Variants in COL22A1 observed in about 807,000 individuals in gnomAD.
COL22A1 encodes collagen type XXII alpha 1 chain.
COL22A1 carries 221 observed loss-of-function variants against 248.9 expected under a neutral mutation model. The ratio of observed to expected loss-of-function variants is 0.89; its 90% CI spans 0.80 to 0.99. The LOEUF (loss-of-function observed/expected upper bound fraction) is 0.99, where lower values mean the gene tolerates loss of function less well. Ranked by LOEUF, COL22A1 falls within the 50% of genes least tolerant of loss-of-function variation. The pLI is 0.00. For synonymous variants in COL22A1, 891 were observed against 793.4 expected, an observed-to-expected ratio of 1.12 and a Z score of -2.07; for missense variants, 2,240 against 2,179.0, an observed-to-expected ratio of 1.03 and a Z score of -0.56.
intron 1 of COL22A1, among the ~76,000 whole-genome samples, chr8:138,912,067 TG>T (rs1233596312): frequency 6.6e-6 from 1 of 152,162 alleles, no homozygotes; most frequent in African/African-American, 2.4e-5. Flanking sequence ...ATATATTGCA[TG>T]CTCACCACGT....
rs544564691 is a variant in COL22A1 at position 138,891,163 on chromosome 8, C to T, written c.-72-7919G>A. Among the ~76,000 whole-genome samples the T allele has an allele frequency of 3.9e-5, 6 of 152,264 alleles. No homozygotes were observed. In the South Asian group the frequency reaches 8.3e-4, roughly 21 times the overall value. On this transcript the variant is annotated intron_variant, in intron 1 of 64. Transcript: ENST00000303045. ...AATGTAATCAACAATGACACATACA[C>T]TGAAAACTACGAAACACTAGTGACA...
In COL22A1 at chr8:138,760,292, A is replaced by G; in HGVS notation, c.1858-5T>C. 1.3e-6 allele frequency: 2 copies of G among 1,598,520 alleles called. No individual in the cohort carries two copies. Among genetic ancestry groups the G allele is most frequent in the Non-Finnish European group, 1.7e-6 (2 of 1,172,810 alleles). On this transcript the variant is annotated splice_polypyrimidine_tract_variant and splice_region_variant and intron_variant, in intron 17 of 64. Coordinates refer to ENST00000303045, the MANE Select transcript of COL22A1 (RefSeq NM_152888.3). ...ACCAGAAGGGCCGGGCCTGCCCTGG[A>G]GGAAAGAAAGAAAAGGCAGATTATG... is the stretch of plus-strand genomic sequence containing the variant.
chr8:138,840,666 C>G (rs923360073), intron 4 of COL22A1, among the ~76,000 whole-genome samples: 3 of 152,140 alleles, frequency 2.0e-5, no homozygotes, highest in African/African-American at 7.2e-5. Flanking sequence ...CAGCTCACTG[C>G]AACCTCTTCC....
intron 23 of COL22A1, among the ~76,000 whole-genome samples, chr8:138,732,732 T>C (rs768603567): frequency 7.9e-5 from 12 of 152,232 alleles, no homozygotes; most frequent in African/African-American, 1.9e-4. Context: ...CACTTATTAA[T>C]TAACCAGTCC....
intron 3 of COL22A1, among the ~76,000 whole-genome samples, chr8:138,869,100 A>T (rs571620027): frequency 7.7e-4 from 118 of 152,274 alleles, no homozygotes; most frequent in African/African-American, 2.8e-3. Flanking sequence ...AGGTTAACAG[A>T]GAGGAAGGAG....
At position 138,588,729 on chromosome 8, in the gene COL22A1, C is replaced by G. The variant is rs1046438002; in HGVS notation, c.*524G>C. ...TTCTTTCTCTTTCTGCTTCTTTACTCTCTCTGGACAGTGGTGGTGTTTGTA... is the reference window on the plus strand; with the variant it reads ...TTCTTTCTCTTTCTGCTTCTTTACTGTCTCTGGACAGTGGTGGTGTTTGTA... On this transcript the variant is annotated 3_prime_UTR_variant, in exon 65 of 65. Coordinates refer to ENST00000303045, the MANE Select transcript of COL22A1 (RefSeq NM_152888.3). 1 of 152,468 alleles carries G rather than the reference C, an allele frequency of 6.6e-6. No homozygotes were observed. Among genetic ancestry groups the G allele is most frequent in the Non-Finnish European group, 1.5e-5 (1 of 68,152 alleles). The allele number at this position is 152,468 out of a possible 1,614,324, so 9.4% of individuals were successfully genotyped here.
At chr8:138,737,662 G>A (rs1385385085) in intron 22 of COL22A1, 85 bp from the exon 23 acceptor site, 1 of 888,078 alleles carries the variant, frequency 1.1e-6, no homozygotes, top group Admixed American at 1.9e-5. Context: ...GTGGACATTT[G>A]GGTCTTTATT....
intron 45 of COL22A1, among the ~76,000 whole-genome samples, chr8:138,654,637 C>A (rs1823060227): frequency 6.6e-6 from 1 of 152,152 alleles, no homozygotes; most frequent in Non-Finnish European, 1.5e-5. Flanking sequence ...GGGGCCTCCT[C>A]ACTTGCTGCA....
intron 2 of COL22A1, among the ~76,000 whole-genome samples, chr8:138,878,861 A>G (rs1172318639): frequency 6.6e-6 from 1 of 152,114 alleles, no homozygotes; most frequent in Non-Finnish European, 1.5e-5. Context: ...ACAAAAAATT[A>G]GCCAGCAGAG....
At chr8:138,758,092 C>T (rs571599181) in intron 18 of COL22A1, among the ~76,000 whole-genome samples, 34 of 152,312 alleles carry the variant, frequency 2.2e-4, no homozygotes, top group Non-Finnish European at 1.2e-4. Context: ...TTTTGGGGAG[C>T]AATTTCCCTT....
At chr8:138,812,892 C>T (rs1303054182) in intron 8 of COL22A1, 47 bp downstream of exon 8, 1 of 1,399,598 alleles carries the variant, frequency 7.1e-7, no homozygotes, top group Non-Finnish European at 1.0e-6. Flanking sequence ...CCTCTGGAGG[C>T]CACACACCCA....
In COL22A1 at chr8:138,676,632, C is replaced by A. The variant is rs1281203824; in HGVS notation, c.3076G>T (p.Asp1026Tyr). Residue 1026 changes from aspartate (D) to tyrosine (Y), a missense_variant, in exon 41 of 65, where the codon GAT becomes TAT. Transcript: ENST00000303045. The part of the protein sequence containing the change: ...CALGGQCVKG[D>Y]RGAPGIPGSP... The stretch of plus-strand genomic sequence containing the variant: ...CCAGGGATCCCAGGAGCTCCTCGAT[C>A]CCCCTAGAAAGAGAGAAAAATAAGA... 1 of 1,560,638 alleles carries A rather than the reference C, an allele frequency of 6.4e-7. No individual in the cohort carries two copies. The highest frequency in any genetic ancestry group is 8.7e-7 in the Non-Finnish European group (1 of 1,151,204).
In COL22A1 at chr8:138,716,248, C is replaced by T; in HGVS notation, c.2442G>A (p.Val814=). ...GLPGAPGFPG[V]RGEKGDQGEK... is the part of the protein sequence containing the mutation. Reference sequence around the variant, plus strand: ...TTACCTGGTCTCCTTTCTCTCCTCTCACACCTGGGAAGCCTGGAGCCCCTG... The same window carrying T: ...TTACCTGGTCTCCTTTCTCTCCTCTTACACCTGGGAAGCCTGGAGCCCCTG... Residue 814 remains valine, a synonymous_variant, in exon 29 of 65, where the codon GTG becomes GTA. Transcript: ENST00000303045. The T allele has an allele frequency of 1.9e-6, 3 of 1,591,240 alleles. No individual in the cohort carries two copies. The highest frequency in any genetic ancestry group is 2.6e-6 in the Non-Finnish European group (3 of 1,167,010).
intron 11 of COL22A1, among the ~76,000 whole-genome samples, chr8:138,799,028 AT>A (rs1367651846): frequency 6.6e-6 from 1 of 151,870 alleles, no homozygotes. Context: ...ATTTTTCATT[AT>A]TTTTTCTCTG....
At chr8:138,887,294 A>G (rs1824742092) in intron 1 of COL22A1, among the ~76,000 whole-genome samples, 1 of 149,106 alleles carries the variant, frequency 6.7e-6, no homozygotes, top group African/African-American at 2.5e-5. Context: ...GTGCCATCTC[A>G]GCTCACTGCA....
At chr8:138,718,347 G>A (rs544916665) in intron 27 of COL22A1, among the ~76,000 whole-genome samples, 2 of 152,304 alleles carry the variant, frequency 1.3e-5, no homozygotes, top group South Asian at 4.1e-4. Context: ...TAGAATAGTA[G>A]CACATTTGCA....
At chr8:138,639,039 A>T (rs527440786) in intron 47 of COL22A1, among the ~76,000 whole-genome samples, 32 of 152,274 alleles carry the variant, frequency 2.1e-4, no homozygotes, top group African/African-American at 7.0e-4. Context: ...CTCTTCCAGG[A>T]ACTCTGCCAA....
At chr8:138,716,422 C>A in intron 28 of COL22A1, 133 bp from the exon 29 acceptor site, 1 of 651,722 alleles carries the variant, frequency 1.5e-6, no homozygotes, top group Non-Finnish European at 2.7e-6. Flanking sequence ...ACATGGAAAG[C>A]AATGCAGTGG....
chr8:138,687,921 CA>C (rs1469514223), intron 37 of COL22A1, among the ~76,000 whole-genome samples: 1 of 152,156 alleles, frequency 6.6e-6, no homozygotes, highest in East Asian at 1.9e-4. Context: ...GTGGTGACAA[CA>C]AAAAATATCT....
Sources: allele counts gnomAD v4.1 joint callset (sites outside exome capture counted in the v4.1 genomes callset), GRCh38; gene constraint gnomAD v4.1.1; transcripts MANE v1.5; gene names NCBI Gene and HGNC (gene_info 2026-07-23, HGNC 2026-07-21).